Variants in HMGA2 observed in about 807,000 individuals in gnomAD.
HMGA2 encodes the protein high mobility group protein HMGI-C.
Under a neutral mutation model 19.1 loss-of-function variants are expected in HMGA2, and 8 were observed. That is an observed-to-expected ratio of 0.42 (90% CI 0.25 to 0.76). HMGA2 has a LOEUF of 0.76. HMGA2 is among the 30% of genes least tolerant of loss of function. The pLI is 0.28. For synonymous variants in HMGA2, 60 were observed against 48.8 expected, an observed-to-expected ratio of 1.23 and a Z score of -0.96; for missense variants, 109 against 136.3, an observed-to-expected ratio of 0.80 and a Z score of 1.00.
At chr12:65,916,418 C>T (rs1028581381) in intron 3 of HMGA2, among the ~76,000 whole-genome samples, 1 of 152,176 alleles carries the variant, frequency 6.6e-6, no homozygotes, top group Non-Finnish European at 1.5e-5. Flanking sequence ...TCCATTGTTA[C>T]ATTTATCTTG....
In HMGA2 at chr12:65,825,405, G is replaced by C. The variant is rs779304461; in HGVS notation, c.111+24G>C. ...AAGTCAGTACGAGGGCGCGGTGGGG[G>C]CACCAGCCCACCCCGTCCCCACTGC... On this transcript the variant is annotated intron_variant, in intron 1 of 4. Coordinates refer to ENST00000403681, the MANE Select transcript of HMGA2 (RefSeq NM_003483.6). The surrounding 1 kb of genome is among the most constrained non-coding windows in gnomAD (Gnocchi z 4.4). The C allele has an allele frequency of 2.7e-6, 4 of 1,478,364 alleles. No homozygotes were observed. In the African/African-American group the frequency reaches 5.8e-5, roughly 22 times the overall value. The allele number at this position is 1,478,364 out of a possible 1,614,324, so 91.6% of individuals were successfully genotyped here. A position where few individuals can be genotyped will look rare whatever the true frequency, so the allele number is the denominator to read the frequency against.
At chr12:65,935,514 T>C (rs1875860202) in intron 3 of HMGA2, among the ~76,000 whole-genome samples, 1 of 152,182 alleles carries the variant, frequency 6.6e-6, no homozygotes, top group Non-Finnish European at 1.5e-5. Flanking sequence ...CTTTTTTTTT[T>C]TCTGTCTGCA....
chr12:65,866,820 A>G (rs1354867425), intron 3 of HMGA2: 10 of 456,974 alleles, frequency 2.2e-5, no homozygotes, highest in African/African-American at 1.2e-4. Flanking sequence ...TGCAGCTGAC[A>G]TGTACCAAGA....
chr12:65,965,936 T>C lies in HMGA2; in HGVS notation c.*2644T>C, dbSNP rs941941490. ...GTTTATTTTTGTGGGAGATAAATTT[T>C]ATAGGACTGTTCTTTGCTGTTGTTG... is the stretch of plus-strand genomic sequence containing the variant. On this transcript the variant is annotated 3_prime_UTR_variant, in exon 5 of 5. Transcript: ENST00000403681. 4.6e-6 allele frequency: 1 copy of C among 217,838 alleles called. No homozygotes were observed. The highest frequency in any genetic ancestry group is 2.2e-5 in the African/African-American group (1 of 44,472). 13.5% of individuals were successfully genotyped at this position (217,838 alleles called of 1,614,324 possible).
At chr12:65,841,087 A>G (rs1937617628) in intron 3 of HMGA2, among the ~76,000 whole-genome samples, 1 of 152,096 alleles carries the variant, frequency 6.6e-6, no homozygotes. Flanking sequence ...CTTTCTCACC[A>G]CACATCCTTA....
chr12:65,887,539 A>G (rs1873709035), intron 3 of HMGA2, among the ~76,000 whole-genome samples: 1 of 151,890 alleles, frequency 6.6e-6, no homozygotes, highest in South Asian at 2.1e-4. Flanking sequence ...TGGCCAACAC[A>G]GTGAAACTCC....
intron 2 of HMGA2, among the ~76,000 whole-genome samples, chr12:65,831,772 A>G (rs1424126472): frequency 6.6e-6 from 1 of 151,944 alleles, no homozygotes; most frequent in African/African-American, 2.4e-5. Context: ...AGATATTTTA[A>G]AAAGAGAGAA....
intron 3 of HMGA2, among the ~76,000 whole-genome samples, chr12:65,902,010 C>G (rs184278969): frequency 6.6e-6 from 1 of 152,272 alleles, no homozygotes; most frequent in African/African-American, 2.4e-5. Flanking sequence ...TGTTGATTAA[C>G]TTACTTTGTA....
intron 3 of HMGA2, among the ~76,000 whole-genome samples, chr12:65,864,419 A>G (rs191208900): frequency 6.6e-6 from 1 of 152,228 alleles, no homozygotes. Context: ...AGCCAGAAAC[A>G]GAATTATGAG....
At chr12:65,916,819 G>C (rs1347369212) in intron 3 of HMGA2, among the ~76,000 whole-genome samples, 1 of 152,216 alleles carries the variant, frequency 6.6e-6, no homozygotes, top group African/African-American at 2.4e-5. Flanking sequence ...AAGGATGCAG[G>C]GAAAAGCGGA....
chr12:65,957,854 T>TA (rs1312735900), intron 4 of HMGA2: 9 of 152,398 alleles, frequency 5.9e-5, no homozygotes, highest in African/African-American at 1.9e-4. Flanking sequence ...TAAGATTTTT[T>TA]ATTTTACTTT....
chr12:65,910,982 A>G (rs914230688), intron 3 of HMGA2, among the ~76,000 whole-genome samples: 1 of 152,154 alleles, frequency 6.6e-6, no homozygotes, highest in African/African-American at 2.4e-5. Context: ...CCCATTCTCT[A>G]TTCACCTTTA....
At chr12:65,901,140 A>G (rs1485108909) in intron 3 of HMGA2, among the ~76,000 whole-genome samples, 1 of 152,242 alleles carries the variant, frequency 6.6e-6, no homozygotes, top group Non-Finnish European at 1.5e-5. Flanking sequence ...CACCACAGAA[A>G]TTGGCAAATG....
chr12:65,929,101 G>A (rs1875617891), intron 3 of HMGA2, among the ~76,000 whole-genome samples: 1 of 152,126 alleles, frequency 6.6e-6, no homozygotes, highest in African/African-American at 2.4e-5. Flanking sequence ...TTTTTGTATA[G>A]GTGTTTGGAT....
At chr12:65,898,767 G>C (rs1363854007) in intron 3 of HMGA2, among the ~76,000 whole-genome samples, 2 of 152,072 alleles carry the variant, frequency 1.3e-5, no homozygotes, top group Non-Finnish European at 2.9e-5. Context: ...TGAGGAGGCC[G>C]GGCGCAGTGG....
chr12:65,880,047 G>T (rs1481894879), intron 3 of HMGA2, among the ~76,000 whole-genome samples: 2 of 152,190 alleles, frequency 1.3e-5, no homozygotes, highest in African/African-American at 4.8e-5. Flanking sequence ...ATTTTACAGT[G>T]GTTGACCAAA....
chr12:65,963,754 A>C lies in HMGA2; in HGVS notation c.*462A>C, dbSNP rs949799071. On this transcript the variant is annotated 3_prime_UTR_variant, in exon 5 of 5. Coordinates refer to ENST00000403681, the MANE Select transcript of HMGA2 (RefSeq NM_003483.6). ...CGGTGTGTAACACTGTGTACACCTC[A>C]AATACCACCCCAACCCACTCCCTGT... The C allele has an allele frequency of 1.4e-5, 4 of 278,988 alleles. No homozygotes were observed. Among genetic ancestry groups the C allele is most frequent in the African/African-American group, 8.8e-5 (4 of 45,534 alleles). 17.3% of individuals were successfully genotyped at this position (278,988 alleles called of 1,614,324 possible).
At chr12:65,903,689 C>T (rs1186585190) in intron 3 of HMGA2, among the ~76,000 whole-genome samples, 3 of 152,072 alleles carry the variant, frequency 2.0e-5, no homozygotes, top group Non-Finnish European at 4.4e-5. Context: ...ACACTGTATC[C>T]GTGGACCTAC....
intron 3 of HMGA2, among the ~76,000 whole-genome samples, chr12:65,909,627 A>G (rs1347238927): frequency 6.6e-6 from 1 of 152,192 alleles, no homozygotes; most frequent in Non-Finnish European, 1.5e-5. Flanking sequence ...GGGATGATGA[A>G]GAAAAACAGG....
Sources: gnomAD v4.1 joint callset for allele counts (sites outside exome capture counted in the v4.1 genomes callset) on GRCh38, gnomAD v4.1.1 for gene constraint, Gnocchi (gnomAD v3.1) non-coding constraint, MANE v1.5 for transcripts, NCBI Gene and HGNC (gene_info 2026-07-23, HGNC 2026-07-21) for gene names.